Variants in MFSD8 observed in about 807,000 individuals in gnomAD.
MFSD8 encodes major facilitator superfamily domain containing 8, also known as major facilitator superfamily domain-containing protein 8.
MFSD8 carries 55 observed loss-of-function variants against 66.4 expected under a neutral mutation model. That is an observed-to-expected ratio of 0.83 (90% CI 0.67 to 1.04). The LOEUF (loss-of-function observed/expected upper bound fraction) is 1.04. MFSD8 is among the 50% of genes least tolerant of loss of function. MFSD8 has a pLI of 0.00. For missense variants in MFSD8, 550 were observed against 627.6 expected, an observed-to-expected ratio of 0.88 and a Z score of 1.32; for synonymous variants, 202 against 212.8, an observed-to-expected ratio of 0.95 and a Z score of 0.44.
At position 127,930,239 on chromosome 4, in the gene MFSD8, C is replaced by CA. The variant is rs879490591; in HGVS notation, c.998+443dup. 3.0e-4 allele frequency among the ~76,000 whole-genome samples: 41 copies of CA among 138,452 alleles called. 1 individual carries two copies. Among genetic ancestry groups the CA allele is most frequent in the South Asian group, 4.6e-4 (2 of 4,356 alleles). The allele number at this position is 138,452 out of a possible 152,430, so 90.8% of individuals were successfully genotyped here. A position where few individuals can be genotyped will look rare whatever the true frequency, so the allele number is the denominator to read the frequency against. On this transcript the variant is annotated intron_variant, in intron 9 of 11. Transcript: ENST00000641686. Reference sequence around the variant, plus strand: ...TGGGTAACAATACGAGACCTTGTCTCAAAAAAAAAAAGAGTGTTGTGTGGT... The same window carrying CA: ...TGGGTAACAATACGAGACCTTGTCTCAAAAAAAAAAAAGAGTGTTGTGTGGT...
rs772066492 is a variant in MFSD8, at chr4:127,933,029, A to G, written c.819T>C (p.Asn273=). ...NIDQVAVVAI[N]VLFFVTLFIF... ...TAAATAGAGTCACAAAAAACAGAAC[A>G]TTGATGGCCACAACAGCAACCTGGT... Residue 273 remains asparagine, a synonymous_variant, in exon 8 of 12, where the codon AAT becomes AAC. Coordinates refer to ENST00000641686, the MANE Select transcript of MFSD8 (RefSeq NM_001371596.2). 5 of 1,613,714 alleles carry G rather than the reference A, an allele frequency of 3.1e-6. No individual in the cohort carries two copies. The highest frequency in any genetic ancestry group is 1.1e-5 in the South Asian group (1 of 91,082).
intron 1 of MFSD8, among the ~76,000 whole-genome samples, chr4:127,959,968 G>A (rs116803595): frequency 0.026 from 3,980 of 152,042 alleles, 152 homozygotes; most frequent in African/African-American, 0.091. Flanking sequence ...TTGTATGACC[G>A]GGTACAAAAA....
chr4:127,958,107 A>G (rs543209567), intron 1 of MFSD8, among the ~76,000 whole-genome samples: 53 of 152,178 alleles, frequency 3.5e-4, no homozygotes, highest in Non-Finnish European at 6.0e-4. Context: ...GTAACCTAAG[A>G]CATTTTCAGC....
Position 127,921,705 on chromosome 4 carries a change from G to A in MFSD8, c.1169C>T (p.Pro390Leu), listed in dbSNP as rs1196478368. The A allele has an allele frequency of 6.2e-7, 1 of 1,614,082 alleles. No individual in the cohort carries two copies. Among genetic ancestry groups the A allele is most frequent in the Non-Finnish European group, 8.5e-7 (1 of 1,180,010 alleles). The change falls in exon 11 of 12, where the codon CCA becomes CTA. Residue 390 changes from proline to leucine, a missense_variant. Physicochemically the swap from Pro to Leu is moderately conservative, Grantham distance 98. Transcript: ENST00000641686. ...GEIIIGLWKSPMEDDNERPTG... is the reference protein window; with the variant it reads ...GEIIIGLWKSLMEDDNERPTG... ...TGGTCTTTCATTGTCATCTTCCATT[G>A]GAGACTTCCAAAGACCAATAATAAT...
At chr4:127,964,881 C>G (rs888865807) in intron 1 of MFSD8, 191 bp downstream of exon 1, 2 of 693,158 alleles carry the variant, frequency 2.9e-6, no homozygotes, top group African/African-American at 1.8e-5. Context: ...CATCACCGCA[C>G]GGTGCGGCCA....
chr4:127,965,744 G>A (rs1745110305), upstream of MFSD8: 1 of 163,346 alleles, frequency 6.1e-6, no homozygotes, highest in Non-Finnish European at 1.4e-5. Context: ...CGCGGGGTGA[G>A]GCTGGGGGTG....
intron 5 of MFSD8, 54 bp downstream of exon 5, chr4:127,941,991 C>G: frequency 7.4e-7 from 1 of 1,345,838 alleles, no homozygotes; most frequent in South Asian, 1.2e-5. Context: ...AATATTTAAG[C>G]CTCAAAAGTT....
intron 2 of MFSD8, among the ~76,000 whole-genome samples, chr4:127,952,825 G>A (rs1180604897): frequency 2.0e-5 from 3 of 147,104 alleles, no homozygotes; most frequent in South Asian, 2.1e-4. Flanking sequence ...AGCTGAGATC[G>A]TGCTACTGCA....
At chr4:127,922,020 T>C (rs1736413347) in intron 9 of MFSD8, 57 bp from the exon 10 acceptor site, 2 of 1,413,654 alleles carry the variant, frequency 1.4e-6, no homozygotes, top group Non-Finnish European at 2.0e-6. Context: ...CATAGCTTCA[T>C]TACTTTCATA....
intron 2 of MFSD8, among the ~76,000 whole-genome samples, chr4:127,956,711 G>C (rs117845704): frequency 0.029 from 4,451 of 151,242 alleles, 291 homozygotes; most frequent in East Asian, 0.26. Context: ...CCAGATACTT[G>C]GCAGGCTGGG....
intron 9 of MFSD8, among the ~76,000 whole-genome samples, chr4:127,927,709 A>G (rs1341071424): frequency 1.3e-5 from 2 of 151,990 alleles, no homozygotes; most frequent in African/African-American, 4.8e-5. Context: ...TTTTTAAGAG[A>G]TGGGTCTTGC....
intron 9 of MFSD8, among the ~76,000 whole-genome samples, chr4:127,930,472 A>C (rs1737939062): frequency 6.6e-6 from 1 of 152,208 alleles, no homozygotes; most frequent in Non-Finnish European, 1.5e-5. Flanking sequence ...ACAAAAGATA[A>C]ATAAGAGTCA....
At chr4:127,943,466 T>A in intron 4 of MFSD8, 3 of 342,822 alleles carry the variant, frequency 8.8e-6, no homozygotes, top group Non-Finnish European at 1.6e-5. Context: ...GAGATTCTGC[T>A]ACCTCAGTCT....
At chr4:127,931,172 G>T (rs1295210192) in intron 8 of MFSD8, among the ~76,000 whole-genome samples, 1 of 151,888 alleles carries the variant, frequency 6.6e-6, no homozygotes, top group Non-Finnish European at 1.5e-5. Context: ...AATTAAATTG[G>T]TCTCTTTCAA....
intron 7 of MFSD8, chr4:127,933,574 A>G (rs2148884355): frequency 6.5e-6 from 1 of 153,310 alleles, no homozygotes; most frequent in Admixed American, 6.5e-5. Context: ...GACAGAAATA[A>G]TTTTTAAATG....
chr4:127,949,855 GA>G lies in MFSD8; in HGVS notation c.155-9del, dbSNP rs1060504501. On this transcript the variant is annotated splice_polypyrimidine_tract_variant and intron_variant, in intron 2 of 11. Transcript: ENST00000641686. ...TCATCACTACAGAAAACCCTGTGAA[GA>G]AGCAAACTAGGTTATTTATACTTAT... 5 of 1,606,560 alleles carry G rather than the reference GA, an allele frequency of 3.1e-6. No individual in the cohort carries two copies. Among genetic ancestry groups the G allele is most frequent in the Non-Finnish European group, 4.3e-6 (5 of 1,175,450 alleles).
rs1560744922 is a variant in MFSD8, at chr4:127,938,600, TAA to T, written c.754+181_754+182del. Among the ~76,000 whole-genome samples, 32 of 121,174 alleles carry T rather than the reference TAA, an allele frequency of 2.6e-4. 2 individuals are homozygous for T. Among genetic ancestry groups the T allele is most frequent in the African/African-American group, 1.2e-3 (31 of 26,466 alleles). The allele number at this position is 121,174 out of a possible 152,430, so 79.5% of individuals were successfully genotyped here. A position where few individuals can be genotyped will look rare whatever the true frequency, so the allele number is the denominator to read the frequency against. On this transcript the variant is annotated intron_variant, in intron 7 of 11. Coordinates refer to ENST00000641686, the MANE Select transcript of MFSD8 (RefSeq NM_001371596.2). The stretch of plus-strand genomic sequence containing the variant: ...TCTGTCTCAAAAAAAAAAAAATAAA[TAA>T]ATAAATAAATAAATAAATAAATAAA...
intron 7 of MFSD8, among the ~76,000 whole-genome samples, chr4:127,936,278 T>A (rs1208953681): frequency 1.3e-5 from 2 of 152,100 alleles, no homozygotes; most frequent in Non-Finnish European, 2.9e-5. Flanking sequence ...CACACCCAGC[T>A]AATATTTATA....
chr4:127,937,452 T>C lies in MFSD8; in HGVS notation c.754+1331A>G, dbSNP rs2148897041. On this transcript the variant is annotated intron_variant, in intron 7 of 11. Coordinates refer to ENST00000641686, the MANE Select transcript of MFSD8 (RefSeq NM_001371596.2). ...TCTTGATTCCTCTTTCAACAACTCC[T>C]ACTTATCCCTTCTCCATTCTCAGTC... Among the ~76,000 whole-genome samples, 4 of 152,328 alleles carry C rather than the reference T, an allele frequency of 2.6e-5. No homozygotes were observed. The Middle Eastern group carries it at 0.014, about 518-fold the overall frequency.
Sources: allele counts gnomAD v4.1 joint callset (sites outside exome capture counted in the v4.1 genomes callset), GRCh38; gene constraint gnomAD v4.1.1; transcripts MANE v1.5; gene names NCBI Gene and HGNC (gene_info 2026-07-23, HGNC 2026-07-21).